Variants in ABTB3 observed in about 807,000 individuals in gnomAD.
ABTB3 encodes ankyrin repeat- and BTB/POZ domain-containing protein 3.
At chr12:107,572,756 T>G in the ABTB3 span, among the ~76,000 whole-genome samples, 1 of 152,164 alleles carries the variant, frequency 6.6e-6, no homozygotes, top group Non-Finnish European at 1.5e-5. Context: ...GGAATCCTTC[T>G]CTGGGATGGG....
At chr12:107,496,082 A>G in the ABTB3 span, among the ~76,000 whole-genome samples, 4 of 152,182 alleles carry the variant, frequency 2.6e-5, no homozygotes, top group Admixed American at 2.0e-4. Context: ...TACTAATACC[A>G]CTGCTAGGAT....
chr12:107,388,760 T>G, the ABTB3 span, among the ~76,000 whole-genome samples: 1 of 152,206 alleles, frequency 6.6e-6, no homozygotes, highest in Non-Finnish European at 1.5e-5. Context: ...TGAATTGACC[T>G]AGGGCTGTGC....
chr12:107,655,799 C>A, the ABTB3 span, among the ~76,000 whole-genome samples: 2 of 152,176 alleles, frequency 1.3e-5, no homozygotes, highest in Non-Finnish European at 2.9e-5. Context: ...GGCCCTGGAG[C>A]TTCCTGTGGC....
the ABTB3 span, among the ~76,000 whole-genome samples, chr12:107,584,628 A>C: frequency 6.6e-6 from 1 of 152,162 alleles, no homozygotes; most frequent in Admixed American, 6.5e-5. Context: ...TGGTGGCTGG[A>C]GTGTCTGTGA....
At chr12:107,584,693 G>C in the ABTB3 span, among the ~76,000 whole-genome samples, 1 of 152,230 alleles carries the variant, frequency 6.6e-6, no homozygotes, top group African/African-American at 2.4e-5. Flanking sequence ...GTGGGAGGCA[G>C]CCTGGATACC....
the ABTB3 span, among the ~76,000 whole-genome samples, chr12:107,455,599 C>T: frequency 6.6e-6 from 1 of 152,178 alleles, no homozygotes; most frequent in African/African-American, 2.4e-5. Flanking sequence ...CCCCAAAACT[C>T]AAAATGACTT....
the ABTB3 span, chr12:107,374,704 A>G: frequency 6.6e-6 from 1 of 152,584 alleles, no homozygotes; most frequent in Non-Finnish European, 1.5e-5. Flanking sequence ...TGGGCCCTGA[A>G]TCTTCTCATA....
At chr12:107,345,144 T>G in the ABTB3 span, among the ~76,000 whole-genome samples, 13 of 152,174 alleles carry the variant, frequency 8.5e-5, no homozygotes, top group Non-Finnish European at 1.5e-4. Context: ...CACCTGAAAG[T>G]GTTCTCTTTT....
At chr12:107,648,289 G>A in the ABTB3 span, among the ~76,000 whole-genome samples, 4 of 151,838 alleles carry the variant, frequency 2.6e-5, no homozygotes, top group Non-Finnish European at 5.9e-5. Context: ...GCTGAGGCAG[G>A]AGAATTGCTT....
the ABTB3 span, among the ~76,000 whole-genome samples, chr12:107,460,876 A>G: frequency 6.6e-6 from 1 of 152,150 alleles, no homozygotes; most frequent in Non-Finnish European, 1.5e-5. Context: ...TCCCCCTGGA[A>G]CCTCAGAATA....
At chr12:107,431,466 G>A in the ABTB3 span, among the ~76,000 whole-genome samples, 46 of 152,014 alleles carry the variant, frequency 3.0e-4, no homozygotes, top group Non-Finnish European at 4.0e-4. Context: ...AAAATTAGCC[G>A]GGCGTGGTGG....
At chr12:107,342,167 C>T in the ABTB3 span, among the ~76,000 whole-genome samples, 4 of 152,096 alleles carry the variant, frequency 2.6e-5, no homozygotes, top group African/African-American at 9.7e-5. Flanking sequence ...CACTGTGATC[C>T]TGTGTCTGGA....
the ABTB3 span, among the ~76,000 whole-genome samples, chr12:107,511,588 G>A: frequency 6.6e-6 from 1 of 152,156 alleles, no homozygotes; most frequent in African/African-American, 2.4e-5. Context: ...AGGGTTCTAA[G>A]AGAGAAGAAG....
At chr12:107,586,080 G>T in the ABTB3 span, among the ~76,000 whole-genome samples, 3 of 152,082 alleles carry the variant, frequency 2.0e-5, no homozygotes, top group African/African-American at 4.8e-5. Context: ...AGGGTGTAGG[G>T]GTAGAGAGGA....
At chr12:107,641,997 C>T in the ABTB3 span, 1 of 1,164,248 alleles carries the variant, frequency 8.6e-7, no homozygotes. Context: ...GGGGAAGAAA[C>T]AAGGTATTTC....
At chr12:107,364,588 G>T in the ABTB3 span, among the ~76,000 whole-genome samples, 1 of 152,052 alleles carries the variant, frequency 6.6e-6, no homozygotes, top group Admixed American at 6.5e-5. Flanking sequence ...ACCTCTTCTG[G>T]CCTTGGCTTT....
At chr12:107,579,586 A>C in the ABTB3 span, among the ~76,000 whole-genome samples, 3 of 152,230 alleles carry the variant, frequency 2.0e-5, no homozygotes, top group African/African-American at 7.2e-5. Context: ...TGACTATAGG[A>C]AAACTGGCAC....
the ABTB3 span, among the ~76,000 whole-genome samples, chr12:107,476,244 T>C: frequency 7.9e-5 from 12 of 152,152 alleles, no homozygotes; most frequent in Non-Finnish European, 1.6e-4. Context: ...TCAGATGAGC[T>C]GGGAGCTACC....
the ABTB3 span, among the ~76,000 whole-genome samples, chr12:107,553,044 A>T: frequency 1.3e-5 from 2 of 152,194 alleles, no homozygotes; most frequent in African/African-American, 4.8e-5. Flanking sequence ...GTGCTGTGTG[A>T]CCTCAAGGCT....
Sources: allele counts gnomAD v4.1 joint callset (sites outside exome capture counted in the v4.1 genomes callset), GRCh38; gene constraint gnomAD v4.1.1; transcripts MANE v1.5; gene names NCBI Gene and HGNC (gene_info 2026-07-23, HGNC 2026-07-21).